Variants in CRPPA observed in about 807,000 individuals in gnomAD.
CRPPA encodes CDP-L-ribitol pyrophosphorylase A.
A neutral mutation model predicts 52.0 loss-of-function variants in CRPPA; 43 were observed. The ratio of observed to expected loss-of-function variants is 0.83; its 90% CI spans 0.65 to 1.07. The LOEUF is 1.07. Among genes scored for constraint, CRPPA ranks in the 50% least tolerant of loss-of-function variants. CRPPA has a pLI of 0.00. For synonymous variants in CRPPA, 250 were observed against 203.5 expected, an observed-to-expected ratio of 1.23 and a Z score of -1.94; for missense variants, 629 against 551.7, an observed-to-expected ratio of 1.14 and a Z score of -1.40.
At position 16,179,415 on chromosome 7, in the gene CRPPA, A is replaced by T. The variant is rs112316108; in HGVS notation, c.1251+36651T>A. Among the ~76,000 whole-genome samples the T allele has an allele frequency of 2.5e-3, 379 of 152,174 alleles. 2 individuals carry two copies. The highest frequency in any genetic ancestry group is 3.9e-3 in the Non-Finnish European group (268 of 67,984). On this transcript the variant is annotated intron_variant, in intron 9 of 9. Transcript: ENST00000407010. ...TGATTAAGTTAAAGATCTTGAAATG[A>T]GAAGGTTATCCTGGATTATCTTTAT...
rs531775793 is a variant in CRPPA, at chr7:16,253,906, C to T, written c.1119+4484G>A. Among the ~76,000 whole-genome samples, 8 of 152,194 alleles carry T rather than the reference C, an allele frequency of 5.3e-5. No individual in the cohort carries two copies. In the South Asian group the frequency reaches 1.5e-3, roughly 28 times the overall value. On this transcript the variant is annotated intron_variant, in intron 8 of 9. Coordinates refer to ENST00000407010, the MANE Select transcript of CRPPA (RefSeq NM_001101426.4). ...AAATTTACAAGAAAAAAACAAACAA[C>T]CCCATCAAAAAGTGGGCAAAGGATA...
intron 8 of CRPPA, among the ~76,000 whole-genome samples, chr7:16,217,837 G>C (rs922356128): frequency 1.1e-4 from 17 of 151,820 alleles, no homozygotes; most frequent in Non-Finnish European, 1.9e-4. Flanking sequence ...AAAGTGACGG[G>C]GAGAATGGAA....
intron 9 of CRPPA, among the ~76,000 whole-genome samples, chr7:16,122,745 A>G (rs1264802008): frequency 6.6e-6 from 1 of 152,080 alleles, no homozygotes; most frequent in African/African-American, 2.4e-5. Flanking sequence ...ACTCCTTTTT[A>G]AAACAATGGT....
At chr7:16,407,790 T>C (rs1787989528) in intron 1 of CRPPA, among the ~76,000 whole-genome samples, 1 of 152,124 alleles carries the variant, frequency 6.6e-6, no homozygotes. Context: ...CCCATTTCTT[T>C]AATATTTATT....
At position 16,365,485 on chromosome 7, in the gene CRPPA, G is replaced by A. The variant is rs1402170197; in HGVS notation, c.684+10607C>T. On this transcript the variant is annotated intron_variant, in intron 3 of 9. Coordinates refer to ENST00000407010, the MANE Select transcript of CRPPA (RefSeq NM_001101426.4). ...ATCTTGAAAGTAATTAACAGAAAAT[G>A]AAACAATGTGGTAGTATCACAGGAG... 5.9e-5 allele frequency among the ~76,000 whole-genome samples: 9 copies of A among 152,108 alleles called. No individual in the cohort carries two copies. In the East Asian group the frequency reaches 1.7e-3, roughly 29 times the overall value.
intron 9 of CRPPA, among the ~76,000 whole-genome samples, chr7:16,142,964 G>A (rs1179205847): frequency 2.6e-5 from 4 of 152,156 alleles, no homozygotes; most frequent in Non-Finnish European, 5.9e-5. Flanking sequence ...TTATAGTAAA[G>A]ACTTGTAACT....
chr7:16,377,256 T>A (rs921352558), intron 2 of CRPPA, among the ~76,000 whole-genome samples: 10 of 151,854 alleles, frequency 6.6e-5, no homozygotes, highest in African/African-American at 2.4e-4. Context: ...AACCTAGGCA[T>A]AAAAACAAAA....
intron 9 of CRPPA, among the ~76,000 whole-genome samples, chr7:16,106,835 GAAT>G (rs1252087801): frequency 6.6e-6 from 1 of 151,874 alleles, no homozygotes; most frequent in Non-Finnish European, 1.5e-5. Context: ...AGAGAATTCA[GAAT>G]AATACTCAAA....
At chr7:16,239,172 A>G (rs1421097372) in intron 8 of CRPPA, among the ~76,000 whole-genome samples, 7 of 144,818 alleles carry the variant, frequency 4.8e-5, no homozygotes, top group Non-Finnish European at 1.1e-4. Context: ...TTTAGATGCC[A>G]TCAAAGGCAT....
chr7:16,216,422 A>C, intron 8 of CRPPA: 1 of 340,764 alleles, frequency 2.9e-6, no homozygotes, highest in Non-Finnish European at 5.3e-6. Context: ...TTGAAAAACC[A>C]AATGCTGGGG....
At chr7:16,225,998 G>A (rs1254985996) in intron 8 of CRPPA, among the ~76,000 whole-genome samples, 1 of 151,980 alleles carries the variant, frequency 6.6e-6, no homozygotes, top group Non-Finnish European at 1.5e-5. Context: ...CAAGATGCCT[G>A]TAAGGCAGGT....
At chr7:16,156,115 CAA>C (rs35258024) in intron 9 of CRPPA, among the ~76,000 whole-genome samples, 44,183 of 111,886 alleles carry the variant, frequency 0.39, 6,948 homozygotes, top group South Asian at 0.54. Context: ...TATTCAAAAG[CAA>C]AAAAAAAAAA....
chr7:16,159,798 T>C (rs1005648620), intron 9 of CRPPA, among the ~76,000 whole-genome samples: 1 of 152,192 alleles, frequency 6.6e-6, no homozygotes, highest in Non-Finnish European at 1.5e-5. Flanking sequence ...TTTTCCACAA[T>C]GGTTGAACTA....
chr7:16,140,822 G>A (rs925112361), intron 9 of CRPPA, among the ~76,000 whole-genome samples: 6 of 152,156 alleles, frequency 3.9e-5, no homozygotes, highest in Middle Eastern at 6.8e-3. Flanking sequence ...ACCTTTTAAC[G>A]GGTCATGAAA....
intron 9 of CRPPA, among the ~76,000 whole-genome samples, chr7:16,156,134 A>T (rs1783176626): frequency 6.9e-6 from 1 of 144,964 alleles, no homozygotes; most frequent in Admixed American, 7.0e-5. Context: ...AAAAAAAAAA[A>T]TACGCTATTT....
intron 9 of CRPPA, among the ~76,000 whole-genome samples, chr7:16,169,564 T>C (rs941193448): frequency 1.3e-5 from 2 of 152,214 alleles, no homozygotes; most frequent in African/African-American, 4.8e-5. Context: ...TGTAGGCAGC[T>C]TAAGCATGAA....
intron 9 of CRPPA, among the ~76,000 whole-genome samples, chr7:16,184,519 G>C (rs923970354): frequency 6.6e-6 from 1 of 152,060 alleles, no homozygotes; most frequent in African/African-American, 2.4e-5. Context: ...AACATGAATA[G>C]AAAGTCATAT....
At chr7:16,408,129 A>G (rs1210124517) in intron 1 of CRPPA, among the ~76,000 whole-genome samples, 1 of 151,664 alleles carries the variant, frequency 6.6e-6, no homozygotes, top group Non-Finnish European at 1.5e-5. Flanking sequence ...AAATAAAAAA[A>G]TAACTTATCA....
chr7:16,346,140 T>C (rs1786008896), intron 3 of CRPPA, among the ~76,000 whole-genome samples: 1 of 152,164 alleles, frequency 6.6e-6, no homozygotes, highest in African/African-American at 2.4e-5. Context: ...TGAGTGGCTA[T>C]TATGTGCCAG....
Sources: gnomAD v4.1 joint callset for allele counts (sites outside exome capture counted in the v4.1 genomes callset) on GRCh38, gnomAD v4.1.1 for gene constraint, MANE v1.5 for transcripts, NCBI Gene and HGNC (gene_info 2026-07-23, HGNC 2026-07-21) for gene names.